SLC12A7: variants seen among roughly 807,000 people sequenced by gnomAD.
SLC12A7 encodes solute carrier family 12 member 7.
In SLC12A7, 100 loss-of-function variants were observed where a neutral mutation model predicts 120.6. That is an observed-to-expected ratio of 0.83 (90% confidence interval 0.71 to 0.98). The LOEUF is 0.98. SLC12A7 is among the 50% of genes least tolerant of loss of function. The pLI is 0.00. For missense variants in SLC12A7, 1,373 were observed against 1,548.1 expected, an observed-to-expected ratio of 0.89 and a Z score of 1.90; for synonymous variants, 760 against 678.0, an observed-to-expected ratio of 1.12 and a Z score of -1.88.
chr5:1,149,028 T>C, the SLC12A7 span, among the ~76,000 whole-genome samples: 1 of 150,596 alleles, frequency 6.6e-6, no homozygotes, highest in Non-Finnish European at 1.5e-5. Context: ...ACAACTGGGT[T>C]GCTTCCACCT....
chr5:1,149,874 C>CA, the SLC12A7 span, among the ~76,000 whole-genome samples: 10 of 152,066 alleles, frequency 6.6e-5, no homozygotes, highest in South Asian at 4.1e-4. Context: ...ACTCACAATA[C>CA]AAAAAATTAG....
intron 1 of SLC12A7, among the ~76,000 whole-genome samples, chr5:1,111,406 G>C (rs1033581917): frequency 6.6e-6 from 1 of 152,174 alleles, no homozygotes; most frequent in African/African-American, 2.4e-5. Context: ...TCCAGGGTCA[G>C]GCGGGGGCAG....
chr5:1,111,999 T>C lies in SLC12A7; in HGVS notation c.-8A>G. 7.9e-7 allele frequency: 1 copy of C among 1,269,590 alleles called. No homozygotes were observed. Among genetic ancestry groups the C allele is most frequent in the Non-Finnish European group, 9.9e-7 (1 of 1,008,590 alleles). 78.6% of individuals were successfully genotyped at this position (1,269,590 alleles called of 1,614,324 possible). On this transcript the variant is annotated 5_prime_UTR_variant, in exon 1 of 24. Transcript: ENST00000264930. The stretch of plus-strand genomic sequence containing the variant: ...GGTGAAGTTGGTGGGCATGGCCGCC[T>C]GCAGCCGACAGTCCCCGTCCCGGCC...
intron 5 of SLC12A7, among the ~76,000 whole-genome samples, chr5:1,088,053 C>T (rs1193839017): frequency 6.6e-6 from 1 of 152,266 alleles, no homozygotes; most frequent in East Asian, 1.9e-4. Flanking sequence ...CTCCCCAGCC[C>T]GCTGCCTGGT....
At chr5:1,076,936 A>C (rs184691188) in intron 12 of SLC12A7, 124 bp from the exon 13 acceptor site, 4 of 714,978 alleles carry the variant, frequency 5.6e-6, no homozygotes. Context: ...CGCCTTTCAC[A>C]GTAGGTCCCC....
At chr5:1,139,552 C>T in the SLC12A7 span, among the ~76,000 whole-genome samples, 1 of 152,256 alleles carries the variant, frequency 6.6e-6, no homozygotes, top group Non-Finnish European at 1.5e-5. Context: ...GAACCTGGAA[C>T]CGAGGTTGCC....
intron 18 of SLC12A7, 105 bp downstream of exon 18, chr5:1,065,178 A>T: frequency 1.0e-6 from 1 of 979,080 alleles, no homozygotes; most frequent in South Asian, 1.7e-5. Flanking sequence ...CAGTGAGAGG[A>T]CAGCGAGGGG....
At chr5:1,084,095 C>G in intron 7 of SLC12A7, 139 bp from the exon 8 acceptor site, 1 of 704,896 alleles carries the variant, frequency 1.4e-6, no homozygotes, top group Non-Finnish European at 2.4e-6. Flanking sequence ...ACAGGAAGGC[C>G]ACAGATCACG....
intron 1 of SLC12A7, among the ~76,000 whole-genome samples, chr5:1,100,596 G>A (rs569440394): frequency 3.3e-4 from 50 of 152,352 alleles, no homozygotes; most frequent in Admixed American, 2.4e-3. Flanking sequence ...GGAGGAAGAC[G>A]GCGCCCTCGG....
chr5:1,086,842 G>C, intron 6 of SLC12A7, 61 bp downstream of exon 6: 1 of 1,591,536 alleles, frequency 6.3e-7, no homozygotes, highest in Non-Finnish European at 8.6e-7. Flanking sequence ...GGTCAGGCAG[G>C]GCCCCTTGGC....
At chr5:1,130,776 G>A in the SLC12A7 span, among the ~76,000 whole-genome samples, 3 of 152,246 alleles carry the variant, frequency 2.0e-5, no homozygotes, top group African/African-American at 7.2e-5. Flanking sequence ...GCAGGTGGGC[G>A]GGTGGTGGGA....
At position 1,087,503 on chromosome 5, in the gene SLC12A7, C is replaced by T. The variant is rs143272767; in HGVS notation, c.545-470G>A. On this transcript the variant is annotated intron_variant, in intron 5 of 23. Coordinates refer to ENST00000264930, the MANE Select transcript of SLC12A7 (RefSeq NM_006598.3). ...AGGGCTGCCTGGAGAACACAGCTCT[C>T]CCTGCTCTGAGCAGTGCGTGTGGCA... Among the ~76,000 whole-genome samples, 292 of 152,388 alleles carry T rather than the reference C, an allele frequency of 1.9e-3. 1 individual carries two copies. The highest frequency in any genetic ancestry group is 0.017 in the Middle Eastern group (5 of 294).
the SLC12A7 span, among the ~76,000 whole-genome samples, chr5:1,138,620 G>T: frequency 7.9e-5 from 12 of 152,290 alleles, no homozygotes; most frequent in South Asian, 2.5e-3. Flanking sequence ...ACTTCAGCTG[G>T]AGATCTTTAC....
At chr5:1,088,413 A>G in intron 4 of SLC12A7, 53 bp from the exon 5 acceptor site, 5 of 1,529,896 alleles carry the variant, frequency 3.3e-6, no homozygotes, top group Non-Finnish European at 4.4e-6. Context: ...GCCTGCCGGC[A>G]TCGCAACACT....
the SLC12A7 span, among the ~76,000 whole-genome samples, chr5:1,134,324 G>A: frequency 6.6e-6 from 1 of 152,032 alleles, no homozygotes; most frequent in African/African-American, 2.4e-5. Flanking sequence ...ACAAAAATCA[G>A]CCGGGTGTGG....
chr5:1,076,443 A>G (rs1738351518), intron 13 of SLC12A7, among the ~76,000 whole-genome samples: 1 of 64,726 alleles, frequency 1.5e-5, no homozygotes, highest in Non-Finnish European at 3.3e-5. Context: ...GTCCATCAAG[A>G]GATGGGCCAT....
At position 1,096,148 on chromosome 5, in the gene SLC12A7, A is replaced by G. The variant is rs75620788; in HGVS notation, c.125-1900T>C. Among the ~76,000 whole-genome samples, 821 of 152,364 alleles carry G rather than the reference A, an allele frequency of 5.4e-3. 9 individuals carry two copies. The highest frequency in any genetic ancestry group is 0.028 in the Admixed American group (429 of 15,308). Reference sequence around the variant, plus strand: ...CCTGATTCTGGTGACTGCACTGCAGAGATTCTGAAAGAAACGTGCTTGCTT... The same window carrying G: ...CCTGATTCTGGTGACTGCACTGCAGGGATTCTGAAAGAAACGTGCTTGCTT... On this transcript the variant is annotated intron_variant, in intron 1 of 23. Coordinates refer to ENST00000264930, the MANE Select transcript of SLC12A7 (RefSeq NM_006598.3).
chr5:1,152,630 G>A, the SLC12A7 span, among the ~76,000 whole-genome samples: 6 of 152,242 alleles, frequency 3.9e-5, no homozygotes, highest in African/African-American at 9.6e-5. Context: ...GCTAGAGAAC[G>A]GAGACCCCCA....
chr5:1,145,750 A>G, the SLC12A7 span, among the ~76,000 whole-genome samples: 1 of 152,122 alleles, frequency 6.6e-6, no homozygotes, highest in Non-Finnish European at 1.5e-5. The surrounding 1 kb of genome is among the most constrained non-coding windows in gnomAD (Gnocchi z 4.4). Flanking sequence ...GCCAGGATCA[A>G]GCGCCTCTGT....
Sources: allele counts gnomAD v4.1 joint callset (sites outside exome capture counted in the v4.1 genomes callset), GRCh38; gene constraint gnomAD v4.1.1; non-coding constraint Gnocchi (gnomAD v3.1); transcripts MANE v1.5; gene names NCBI Gene and HGNC (gene_info 2026-07-23, HGNC 2026-07-21).